KNTC1: variants seen among roughly 807,000 people sequenced by gnomAD.
KNTC1 encodes kinetochore associated 1.
Under a neutral mutation model 314.4 loss-of-function variants are expected in KNTC1, and 253 were observed. The observed-to-expected ratio is 0.80, with a 90% CI of 0.73 to 0.89. The LOEUF (loss-of-function observed/expected upper bound fraction) is 0.89, where lower values mean the gene tolerates loss of function less well. Among genes scored for constraint, KNTC1 ranks in the 40% least tolerant of loss-of-function variants. KNTC1 has a pLI of 0.00. For synonymous variants in KNTC1, 901 were observed against 901.4 expected (o/e 1.00, Z 0.01); for missense variants, 2,475 against 2,572.9 (o/e 0.96, Z 0.82).
intron 13 of KNTC1, among the ~76,000 whole-genome samples, chr12:122,550,581 C>T (rs976771720): frequency 5.9e-5 from 9 of 152,178 alleles, no homozygotes; most frequent in Admixed American, 4.6e-4. Flanking sequence ...TAGCTCACTA[C>T]AGCCTCCAAC....
Position 122,573,156 on chromosome 12 carries a change from C to G in KNTC1, c.2154C>G (p.Thr718=). 1.2e-6 allele frequency: 2 copies of G among 1,613,858 alleles called. No homozygotes were observed. Among genetic ancestry groups the G allele is most frequent in the South Asian group, 1.1e-5 (1 of 91,076 alleles). Residue 718 remains threonine (T), a synonymous_variant, in exon 26 of 64, where the codon ACC becomes ACG. Coordinates refer to ENST00000333479, the MANE Select transcript of KNTC1 (RefSeq NM_014708.6). ...LSDFEKENTT[T]IVFRMFDKVL... is the part of the protein sequence containing the mutation. ...TTGGCATCCAGGAAAATACAACCAC[C>G]ATAGTGTTCCGAATGTTTGATAAAG...
rs1376047296 is a variant in KNTC1 at position 122,597,912 on chromosome 12, A to T, written c.4537A>T (p.Ile1513Phe). The T allele has an allele frequency of 6.2e-7, 1 of 1,614,058 alleles. No individual in the cohort carries two copies. Among genetic ancestry groups the T allele is most frequent in the Middle Eastern group, 1.6e-4 (1 of 6,062 alleles). The change falls in exon 44 of 64, where the codon ATC becomes TTC. Residue 1513 changes from isoleucine to phenylalanine, a missense_variant. By Grantham distance (21) the Ile-to-Phe change is conservative. Transcript: ENST00000333479. ...PLLTSTKDLVISLSGILHKLD... is the reference protein window; with the variant it reads ...PLLTSTKDLVFSLSGILHKLD... ...ACTGACGAGCACAAAAGATTTGGTC[A>T]TCAGTCTTAGTGGAATACTACATAA...
intron 5 of KNTC1, among the ~76,000 whole-genome samples, chr12:122,540,593 A>G (rs536167243): frequency 2.6e-5 from 4 of 152,008 alleles, no homozygotes; most frequent in African/African-American, 7.2e-5. Context: ...TAATATTCTG[A>G]ACTTGTTTTT....
intron 51 of KNTC1, among the ~76,000 whole-genome samples, chr12:122,605,842 C>A (rs1872529388): frequency 6.6e-6 from 1 of 151,988 alleles, no homozygotes; most frequent in African/African-American, 2.4e-5. Flanking sequence ...CTGCACCTGG[C>A]CTCTTTTGTT....
chr12:122,575,657 T>G lies in KNTC1; in HGVS notation c.2486+11T>G. 1 of 1,562,776 alleles carries G rather than the reference T, an allele frequency of 6.4e-7. No homozygotes were observed. Among genetic ancestry groups the G allele is most frequent in the East Asian group, 2.3e-5 (1 of 43,608 alleles). ...AATGGACCATCCCAAGTAAGATGAC[T>G]GTCTACGAAACAATGTTGTTATGCT... On this transcript the variant is annotated intron_variant, in intron 28 of 63. Coordinates refer to ENST00000333479, the MANE Select transcript of KNTC1 (RefSeq NM_014708.6).
At chr12:122,554,076 A>AAAAAAAAATATATATATATATAT (rs370146333) in intron 16 of KNTC1, among the ~76,000 whole-genome samples, 4 of 109,050 alleles carry the variant, frequency 3.7e-5, no homozygotes, top group African/African-American at 1.6e-4. Context: ...AAAAAAAAAA[A>AAAAAAAAATATATATATATATAT]ATATATATAT....
intron 10 of KNTC1, among the ~76,000 whole-genome samples, 158 bp downstream of exon 10, chr12:122,546,832 AT>A (rs200482729): frequency 0.25 from 34,547 of 137,232 alleles, 4,001 homozygotes; most frequent in East Asian, 0.45. Flanking sequence ...CTGAAATGTA[AT>A]TTTTTTTTTT....
chr12:122,599,859 A>T lies in KNTC1; in HGVS notation c.4564-1677A>T, dbSNP rs887493705. ...TAGTAAGAATTTGTCACTACAAAAA[A>T]TTTTTTTAATTAGTTAGGCCTAGTA... On this transcript the variant is annotated intron_variant, in intron 44 of 63. Coordinates refer to ENST00000333479, the MANE Select transcript of KNTC1 (RefSeq NM_014708.6). Among the ~76,000 whole-genome samples, 4 of 152,144 alleles carry T rather than the reference A, an allele frequency of 2.6e-5. No homozygotes were observed. In the East Asian group the frequency reaches 5.8e-4, roughly 22 times the overall value.
intron 57 of KNTC1, chr12:122,617,461 C>T: frequency 2.3e-6 from 1 of 438,216 alleles, no homozygotes. Context: ...TGAGCTGAAA[C>T]AATCCTCCTG....
At chr12:122,541,678 C>T (rs1014735705) in intron 5 of KNTC1, among the ~76,000 whole-genome samples, 6 of 151,916 alleles carry the variant, frequency 3.9e-5, no homozygotes, top group Admixed American at 2.6e-4. Context: ...TCAAAAGCCA[C>T]GTTCAAACAG....
chr12:122,625,880 C>T (rs1188515011), intron 63 of KNTC1, among the ~76,000 whole-genome samples: 5 of 152,070 alleles, frequency 3.3e-5, no homozygotes, highest in Admixed American at 2.6e-4. Flanking sequence ...ACCTAAGTAT[C>T]GTGGCTTTTT....
chr12:122,625,992 C>G (rs916377546), intron 63 of KNTC1, among the ~76,000 whole-genome samples: 8 of 152,188 alleles, frequency 5.3e-5, no homozygotes, highest in African/African-American at 1.9e-4. Context: ...TGCTCAATGC[C>G]ATAAGATTAC....
At chr12:122,580,099 A>G (rs1281105192) in intron 32 of KNTC1, 122 bp downstream of exon 32, 1 of 653,318 alleles carries the variant, frequency 1.5e-6, no homozygotes, top group South Asian at 2.0e-5. Context: ...GTCTTTATTG[A>G]TCTTACCCAT....
intron 53 of KNTC1, chr12:122,612,807 A>G (rs1431982890): frequency 1.7e-5 from 4 of 233,918 alleles, no homozygotes; most frequent in South Asian, 1.2e-4. Context: ...TCTGCCTGCA[A>G]TTTCACCCAC....
intron 2 of KNTC1, among the ~76,000 whole-genome samples, chr12:122,532,428 C>T (rs1377298450): frequency 5.9e-5 from 9 of 151,742 alleles, no homozygotes; most frequent in Non-Finnish European, 1.3e-4. Flanking sequence ...AGGATGGTCT[C>T]GATCTCTTGA....
intron 34 of KNTC1, among the ~76,000 whole-genome samples, chr12:122,583,188 A>G (rs546797044): frequency 1.4e-4 from 22 of 152,146 alleles, no homozygotes; most frequent in East Asian, 3.9e-4. Context: ...GCATGTGCCT[A>G]TAGTCCCAGC....
At chr12:122,580,118 A>G (rs550607530) in intron 32 of KNTC1, 141 bp downstream of exon 32, 7 of 615,986 alleles carry the variant, frequency 1.1e-5, no homozygotes, top group African/African-American at 3.7e-5. Flanking sequence ...ATTTTGCTTC[A>G]TGAAAAGTCT....
intron 2 of KNTC1, among the ~76,000 whole-genome samples, 189 bp from the exon 3 acceptor site, chr12:122,534,475 G>A (rs1192710973): frequency 6.6e-6 from 1 of 152,126 alleles, no homozygotes; most frequent in Non-Finnish European, 1.5e-5. Flanking sequence ...TTTCTACTTA[G>A]GATCCTGGAT....
At chr12:122,598,032 A>G in intron 44 of KNTC1, 94 bp downstream of exon 44, 1 of 860,220 alleles carries the variant, frequency 1.2e-6, no homozygotes, top group Non-Finnish European at 1.8e-6. Flanking sequence ...GTATAAGTCT[A>G]TATTTTTATC....
Sources: allele counts gnomAD v4.1 joint callset (sites outside exome capture counted in the v4.1 genomes callset), GRCh38; gene constraint gnomAD v4.1.1; transcripts MANE v1.5; gene names NCBI Gene and HGNC (gene_info 2026-07-23, HGNC 2026-07-21).